SGCZ: variants seen among roughly 807,000 people sequenced by gnomAD.
SGCZ encodes the protein sarcoglycan zeta, also known as zeta-sarcoglycan.
SGCZ carries 40 observed loss-of-function variants against 41.3 expected under a neutral mutation model. The ratio of observed to expected loss-of-function variants is 0.97; its 90% CI spans 0.75 to 1.26. The LOEUF is 1.26. Among genes scored for constraint, SGCZ ranks in the 50% most tolerant of loss-of-function variants. The probability of loss-of-function intolerance (pLI) is 0.00; values close to 1 mark genes in which losing one functional copy is unlikely to be tolerated. For missense variants in SGCZ, 552 were observed against 369.8 expected (o/e 1.49, Z -4.04); for synonymous variants, 206 against 137.5 (o/e 1.50, Z -3.49).
At chr8:14,866,193 T>C (rs1803924501) in intron 1 of SGCZ, among the ~76,000 whole-genome samples, 1 of 152,146 alleles carries the variant, frequency 6.6e-6, no homozygotes. Context: ...GATCTATTTA[T>C]GTATCTCTGA....
intron 1 of SGCZ, among the ~76,000 whole-genome samples, chr8:14,579,443 C>A (rs1208138461): frequency 6.6e-6 from 1 of 152,232 alleles, no homozygotes; most frequent in African/African-American, 2.4e-5. Flanking sequence ...GTATCTTGTA[C>A]ATTTTTTCTG....
At chr8:14,202,482 T>C (rs960481615) in intron 4 of SGCZ, among the ~76,000 whole-genome samples, 1 of 152,102 alleles carries the variant, frequency 6.6e-6, no homozygotes, top group Non-Finnish European at 1.5e-5. Context: ...TATTTCATAT[T>C]GGGTTTCACA....
At chr8:14,992,501 C>G (rs569481301) in intron 1 of SGCZ, among the ~76,000 whole-genome samples, 85 of 149,608 alleles carry the variant, frequency 5.7e-4, no homozygotes, top group African/African-American at 2.0e-3. Flanking sequence ...CAGTGTTACC[C>G]TTGCTATTTA....
chr8:14,715,800 G>T (rs916920444), intron 1 of SGCZ, among the ~76,000 whole-genome samples: 1 of 152,002 alleles, frequency 6.6e-6, no homozygotes. Flanking sequence ...TTGCCTCAAA[G>T]AATTCTCATA....
chr8:14,236,330 G>A (rs780820424), intron 4 of SGCZ, among the ~76,000 whole-genome samples: 1 of 151,950 alleles, frequency 6.6e-6, no homozygotes, highest in Non-Finnish European at 1.5e-5. Context: ...GCAATTAATA[G>A]ATATGTAATG....
intron 2 of SGCZ, among the ~76,000 whole-genome samples, chr8:14,369,919 TC>T (rs1320794884): frequency 3.9e-5 from 6 of 152,048 alleles, no homozygotes; most frequent in Non-Finnish European, 8.8e-5. Context: ...AATTTCTATT[TC>T]TACAGGCTAA....
chr8:15,009,265 T>G (rs1454909608), intron 1 of SGCZ, among the ~76,000 whole-genome samples: 2 of 152,244 alleles, frequency 1.3e-5, no homozygotes, highest in Non-Finnish European at 2.9e-5. Context: ...TGGCTTGAGC[T>G]GAAGAGAGAA....
At chr8:14,596,358 T>C (rs1385335330) in intron 1 of SGCZ, among the ~76,000 whole-genome samples, 1 of 152,148 alleles carries the variant, frequency 6.6e-6, no homozygotes, top group East Asian at 1.9e-4. Context: ...AAGACATGAA[T>C]GACTTGAATC....
intron 4 of SGCZ, among the ~76,000 whole-genome samples, chr8:14,232,565 A>G (rs1428861793): frequency 6.6e-6 from 1 of 151,974 alleles, no homozygotes; most frequent in Admixed American, 6.6e-5. Flanking sequence ...AGATTTTTAT[A>G]CAATTTGGTT....
intron 5 of SGCZ, among the ~76,000 whole-genome samples, chr8:14,134,869 T>C (rs1014287866): frequency 1.3e-5 from 2 of 152,224 alleles, no homozygotes; most frequent in African/African-American, 4.8e-5. Flanking sequence ...GTTTGATATG[T>C]TTTTTAAAAA....
intron 2 of SGCZ, among the ~76,000 whole-genome samples, chr8:14,523,828 G>T (rs943081770): frequency 6.6e-6 from 1 of 151,998 alleles, no homozygotes; most frequent in African/African-American, 2.4e-5. Flanking sequence ...ACGAATGATA[G>T]ATCTATTGTT....
At position 15,013,615 on chromosome 8, in the gene SGCZ, A is replaced by G. The variant is rs555738999; in HGVS notation, c.39+223970T>C. 2.0e-4 allele frequency among the ~76,000 whole-genome samples: 30 copies of G among 152,264 alleles called. No individual in the cohort carries two copies. The South Asian group carries it at 5.8e-3, about 29-fold the overall frequency. On this transcript the variant is annotated intron_variant, in intron 1 of 7. Transcript: ENST00000382080. ...GCATGGTGTTGTGGAAAGAACCCAG[A>G]ATCAGAACAGACAGACCTGGTTTCA...
intron 2 of SGCZ, among the ~76,000 whole-genome samples, chr8:14,452,309 G>A (rs1800617945): frequency 6.6e-6 from 1 of 152,010 alleles, no homozygotes. Flanking sequence ...TGAGGGGAGG[G>A]ACGAATTAAC....
chr8:14,986,258 T>A (rs1407365466), intron 1 of SGCZ, among the ~76,000 whole-genome samples: 1 of 152,114 alleles, frequency 6.6e-6, no homozygotes, highest in Non-Finnish European at 1.5e-5. Context: ...AAGTTTGATA[T>A]TACACATTAT....
intron 5 of SGCZ, 34 bp from the exon 6 acceptor site, chr8:14,108,269 G>T (rs1166265243): frequency 1.3e-6 from 2 of 1,590,362 alleles, no homozygotes; most frequent in Non-Finnish European, 1.7e-6. Flanking sequence ...GTCAGTATAA[G>T]CAAGTCCACA....
intron 4 of SGCZ, among the ~76,000 whole-genome samples, chr8:14,178,756 G>C (rs1804630900): frequency 6.6e-6 from 1 of 152,186 alleles, no homozygotes; most frequent in Admixed American, 6.5e-5. Context: ...AGGTTATCAT[G>C]AATAATACAG....
At chr8:14,106,580 G>C (rs1055885736) in intron 6 of SGCZ, among the ~76,000 whole-genome samples, 1 of 151,482 alleles carries the variant, frequency 6.6e-6, no homozygotes, top group Non-Finnish European at 1.5e-5. Context: ...CTGTTGTAAA[G>C]TATGGTTTCG....
chr8:14,362,510 G>C (rs1025294703), intron 2 of SGCZ, among the ~76,000 whole-genome samples: 2 of 152,196 alleles, frequency 1.3e-5, no homozygotes, highest in African/African-American at 4.8e-5. Flanking sequence ...CCAGGCACAA[G>C]AGGGAATCTC....
chr8:14,622,997 A>G (rs547452432), intron 1 of SGCZ, among the ~76,000 whole-genome samples: 3 of 152,202 alleles, frequency 2.0e-5, no homozygotes, highest in Admixed American at 2.0e-4. Context: ...ACATGTCTGT[A>G]GTGAAAAGGT....
Sources: gnomAD v4.1 joint callset for allele counts (sites outside exome capture counted in the v4.1 genomes callset) on GRCh38, gnomAD v4.1.1 for gene constraint, MANE v1.5 for transcripts, NCBI Gene and HGNC (gene_info 2026-07-23, HGNC 2026-07-21) for gene names.